CDKL4: variants seen among roughly 807,000 people sequenced by gnomAD.
The protein encoded by CDKL4 is cyclin dependent kinase like 4.
In CDKL4, 44 loss-of-function variants were observed where a neutral mutation model predicts 42.0. The observed-to-expected ratio is 1.05, with a 90% CI of 0.82 to 1.35. CDKL4 has a LOEUF of 1.35. Among genes scored for constraint, CDKL4 ranks in the 40% most tolerant of loss-of-function variants. The pLI, the probability that CDKL4 is intolerant of heterozygous loss-of-function variation, is 0.00. For missense variants in CDKL4, 393 were observed against 369.9 expected (o/e 1.06, Z -0.51); for synonymous variants, 120 against 121.6 (o/e 0.99, Z 0.09).
chr2:39,184,239 C>T (rs953251564), intron 8 of CDKL4, among the ~76,000 whole-genome samples: 5 of 152,204 alleles, frequency 3.3e-5, no homozygotes, highest in Non-Finnish European at 7.3e-5. Context: ...GGGTCACACA[C>T]CTTCTAGTGT....
intron 5 of CDKL4, among the ~76,000 whole-genome samples, chr2:39,191,568 A>C (rs2148305416): frequency 6.6e-6 from 1 of 152,330 alleles, no homozygotes; most frequent in South Asian, 2.1e-4. Context: ...GTATCATGGC[A>C]GCCCCAGGAA....
chr2:39,233,147 G>A (rs1679173583), intron 1 of CDKL4, among the ~76,000 whole-genome samples: 1 of 151,440 alleles, frequency 6.6e-6, no homozygotes, highest in Non-Finnish European at 1.5e-5. Flanking sequence ...TTGGCAGAAC[G>A]CAAAGATATG....
At chr2:39,205,138 C>T (rs971163930) in intron 4 of CDKL4, among the ~76,000 whole-genome samples, 1 of 152,052 alleles carries the variant, frequency 6.6e-6, no homozygotes, top group Non-Finnish European at 1.5e-5. Context: ...TATGATCACA[C>T]TGCACAGAGC....
At chr2:39,234,297 G>T (rs927769180) in intron 1 of CDKL4, among the ~76,000 whole-genome samples, 1 of 152,020 alleles carries the variant, frequency 6.6e-6, no homozygotes, top group Admixed American at 6.6e-5. Context: ...ACTCAGAAAA[G>T]AATAATCAGA....
In CDKL4 at chr2:39,224,770, A is replaced by G. The variant is rs572161284; in HGVS notation, c.290+1069T>C. Among the ~76,000 whole-genome samples, 4 of 152,140 alleles carry G rather than the reference A, an allele frequency of 2.6e-5. No individual in the cohort carries two copies. The South Asian group carries it at 8.3e-4, about 32-fold the overall frequency. On this transcript the variant is annotated intron_variant, in intron 3 of 9. Coordinates refer to ENST00000451199, the Ensembl canonical transcript of CDKL4. ...CCACCTGCCTCAGCCTCCCAAAGGC[A>G]TGAGACACTGCACCCAGCCATTCTC...
At chr2:39,185,387 CATGTATATATACATATGTGTATATAT>C (rs1675735200) in intron 7 of CDKL4, among the ~76,000 whole-genome samples, 1 of 3,160 alleles carries the variant, frequency 3.2e-4, no homozygotes, top group Non-Finnish European at 1.6e-3. Flanking sequence ...TGTATATATA[CATGTATATATACATATGTGTATATAT>C]ACATATATAT....
intron 4 of CDKL4, among the ~76,000 whole-genome samples, chr2:39,213,029 AT>A (rs1372479944): frequency 6.6e-6 from 1 of 152,220 alleles, no homozygotes; most frequent in Non-Finnish European, 1.5e-5. Flanking sequence ...AAAAGGAATC[AT>A]TATATTTATT....
chr2:39,207,202 A>G (rs1677251457), intron 4 of CDKL4, among the ~76,000 whole-genome samples: 1 of 152,042 alleles, frequency 6.6e-6, no homozygotes, highest in Non-Finnish European at 1.5e-5. Flanking sequence ...CCTGGGCCCA[A>G]TGGTGAAACT....
At chr2:39,220,278 C>T (rs965068121) in intron 3 of CDKL4, among the ~76,000 whole-genome samples, 4 of 152,120 alleles carry the variant, frequency 2.6e-5, no homozygotes, top group Non-Finnish European at 5.9e-5. Context: ...TGCAGACTCT[C>T]AGATCTCACC....
At chr2:39,247,092 G>A (rs1679942948), upstream of CDKL4, among the ~76,000 whole-genome samples, 1 of 152,134 alleles carries the variant, frequency 6.6e-6, no homozygotes, top group Non-Finnish European at 1.5e-5. Flanking sequence ...ATTCATCCAA[G>A]TGTGCTCCTT....
intron 5 of CDKL4, among the ~76,000 whole-genome samples, chr2:39,193,460 C>T (rs1676319818): frequency 6.6e-6 from 1 of 151,706 alleles, no homozygotes; most frequent in Non-Finnish European, 1.5e-5. Context: ...ACCGCAACCT[C>T]CACCTCCCGG....
intron 1 of CDKL4, among the ~76,000 whole-genome samples, chr2:39,242,024 T>G (rs943347318): frequency 6.6e-6 from 1 of 151,638 alleles, no homozygotes; most frequent in Admixed American, 6.6e-5. Context: ...TGGTTGAAAA[T>G]AGTTTTCTTT....
At chr2:39,172,608 G>C (rs1449985571), downstream of CDKL4, among the ~76,000 whole-genome samples, 1 of 152,118 alleles carries the variant, frequency 6.6e-6, no homozygotes, top group East Asian at 1.9e-4. Flanking sequence ...TTGAGACGGA[G>C]TCTTGCTCTG....
chr2:39,208,265 A>G, intron 4 of CDKL4, among the ~76,000 whole-genome samples: 1 of 152,140 alleles, frequency 6.6e-6, no homozygotes, highest in Non-Finnish European at 1.5e-5. Flanking sequence ...TCTTGCAATC[A>G]GCTTATTTTC....
At chr2:39,170,345 C>T in the CDKL4 span, among the ~76,000 whole-genome samples, 1 of 146,386 alleles carries the variant, frequency 6.8e-6, no homozygotes, top group Non-Finnish European at 1.5e-5. Context: ...AACAAACAAA[C>T]ACATATGCAG....
rs58561018 is a variant in CDKL4 at position 39,236,154 on chromosome 2, T to TA, written c.-56-6567dup. Among the ~76,000 whole-genome samples the TA allele has an allele frequency of 4.1e-3, 358 of 87,796 alleles. 1 individual carries two copies. The highest frequency in any genetic ancestry group is 5.5e-3 in the Admixed American group (46 of 8,324). The allele number at this position is 87,796 out of a possible 152,430, so 57.6% of individuals were successfully genotyped here. A position where few individuals can be genotyped will look rare whatever the true frequency, so the allele number is the denominator to read the frequency against. On this transcript the variant is annotated intron_variant, in intron 1 of 9. Coordinates refer to ENST00000451199, the Ensembl canonical transcript of CDKL4. ...AAAGAACCAAATGGAAATTTTAGAG[T>TA]AAAAAAAAAAAAAAAAACCAGAAAT...
At chr2:39,194,144 T>C (rs564998824) in intron 5 of CDKL4, among the ~76,000 whole-genome samples, 3 of 152,282 alleles carry the variant, frequency 2.0e-5, no homozygotes, top group Admixed American at 6.5e-5. Context: ...AACAATCTTG[T>C]GAGCTCTCAG....
chr2:39,176,181 G>A (rs1228444791), intron 9 of CDKL4, 85 bp from the exon 10 acceptor site: 3 of 389,008 alleles, frequency 7.7e-6, no homozygotes, highest in South Asian at 6.1e-5. Context: ...GATAAGACAA[G>A]CAGATACTTA....
chr2:39,205,268 A>G (rs554974251), intron 4 of CDKL4, among the ~76,000 whole-genome samples: 3 of 152,344 alleles, frequency 2.0e-5, no homozygotes, highest in African/African-American at 4.8e-5. Flanking sequence ...TTTAAACCGT[A>G]AGAGGTAAAA....
Sources: allele counts gnomAD v4.1 joint callset (sites outside exome capture counted in the v4.1 genomes callset), GRCh38; gene constraint gnomAD v4.1.1; transcripts MANE v1.5; gene names NCBI Gene and HGNC (gene_info 2026-07-23, HGNC 2026-07-21).